The following TERF1 variants were observed in gnomAD, a reference collection of about 807,000 sequenced individuals.
The protein encoded by TERF1 is telomeric repeat binding factor 1.
A neutral mutation model predicts 55.1 loss-of-function variants in TERF1; 20 were observed. That is an observed-to-expected ratio of 0.36 (90% CI 0.26 to 0.53). The LOEUF (loss-of-function observed/expected upper bound fraction) is 0.53, where lower values mean the gene tolerates loss of function less well. Ranked by LOEUF, TERF1 falls within the 20% of genes least tolerant of loss-of-function variation. The probability of loss-of-function intolerance (pLI) is 0.91; values close to 1 mark genes in which losing one functional copy is unlikely to be tolerated. For missense variants in TERF1, 439 were observed against 535.7 expected (o/e 0.82, Z 1.78); for synonymous variants, 168 against 181.2 (o/e 0.93, Z 0.59).
chr8:73,031,054 G>C (rs917592894), intron 7 of TERF1: 9 of 152,210 alleles, frequency 5.9e-5, no homozygotes, highest in African/African-American at 2.2e-4. Flanking sequence ...TTGGAAGGAT[G>C]GTAAATGGCT....
intron 8 of TERF1, among the ~76,000 whole-genome samples, chr8:73,037,869 ATAAT>A: frequency 8.7e-6 from 1 of 114,834 alleles, no homozygotes; most frequent in African/African-American, 3.5e-5. Flanking sequence ...AATATGATAT[ATAAT>A]ATATATAAAT....
intron 1 of TERF1, chr8:73,011,989 T>TCATG (rs2129710962): frequency 6.6e-6 from 1 of 152,360 alleles, no homozygotes; most frequent in Admixed American, 6.5e-5. Context: ...TTTCAGCCTA[T>TCATG]CATGGCATTT....
chr8:73,041,303 GT>G (rs1809822870), intron 9 of TERF1, among the ~76,000 whole-genome samples: 1 of 152,140 alleles, frequency 6.6e-6, no homozygotes, highest in South Asian at 2.1e-4. Context: ...TTAGTGTCCT[GT>G]TTTTGTCTCT....
At chr8:73,009,383 C>G (rs1367351375) in intron 1 of TERF1, 178 bp downstream of exon 1, 5 of 599,262 alleles carry the variant, frequency 8.3e-6, no homozygotes, top group Non-Finnish European at 1.2e-5. Flanking sequence ...GTTGTCAGCA[C>G]CTGAGTTTTT....
At chr8:73,025,063 A>T in intron 5 of TERF1, 92 bp downstream of exon 5, 1 of 831,906 alleles carries the variant, frequency 1.2e-6, no homozygotes, top group East Asian at 3.0e-5. Flanking sequence ...TTTAAAATTA[A>T]TCAGAATTTT....
chr8:73,012,867 C>T, intron 1 of TERF1: 1 of 452,932 alleles, frequency 2.2e-6, no homozygotes. Flanking sequence ...TTAAAACCTT[C>T]ATGGGGGCAG....
intron 9 of TERF1, among the ~76,000 whole-genome samples, chr8:73,041,408 TG>T (rs1285099668): frequency 1.3e-5 from 2 of 152,032 alleles, no homozygotes; most frequent in African/African-American, 4.8e-5. Flanking sequence ...ACTAATGTAG[TG>T]GTAAGGTAAG....
intron 1 of TERF1, 132 bp downstream of exon 1, chr8:73,009,337 C>T: frequency 2.4e-6 from 2 of 830,424 alleles, no homozygotes. Flanking sequence ...GAGTCCGAGG[C>T]TCCGGGCTGA....
At chr8:73,022,327 G>A (rs1563460498) in intron 4 of TERF1, 25 bp downstream of exon 4, 3 of 1,429,186 alleles carry the variant, frequency 2.1e-6, no homozygotes, top group East Asian at 2.3e-5. Context: ...TAAAACCATA[G>A]AATTTTAGAA....
At chr8:73,020,632 C>G (rs1808710985) in intron 2 of TERF1, 52 bp from the exon 3 acceptor site, 4 of 1,523,010 alleles carry the variant, frequency 2.6e-6, no homozygotes, top group Non-Finnish European at 2.7e-6. Context: ...TAAAAACTGA[C>G]AAAGTTCTAC....
At chr8:73,032,606 A>T (rs557778695) in intron 8 of TERF1, among the ~76,000 whole-genome samples, 2 of 151,806 alleles carry the variant, frequency 1.3e-5, no homozygotes, top group African/African-American at 4.8e-5. Context: ...TGTTTGTGTA[A>T]GTGTACTCTT....
Position 73,046,081 on chromosome 8 carries a change from G to A in TERF1, c.1264G>A (p.Asp422Asn). Residue 422 changes from aspartate to asparagine, a missense_variant, in exon 10 of 10, where the codon GAC (aspartate) becomes AAC (asparagine). Around this residue, in one of 4 missense-constraint regions of TERF1, gnomAD observed 25 missense variants for 57.3 expected, o/e 0.44. Transcript: ENST00000276603. Reference sequence around the variant, plus strand: ...CAACCGGACAAGTGTCATGTTAAAAGACAGATGGAGGACCATGAAGAAACT... The same window carrying A: ...CAACCGGACAAGTGTCATGTTAAAAAACAGATGGAGGACCATGAAGAAACT... ...FNNRTSVMLK[D>N]RWRTMKKLKL... The A allele has an allele frequency of 6.2e-7, 1 of 1,609,032 alleles. No homozygotes were observed. The highest frequency in any genetic ancestry group is 8.5e-7 in the Non-Finnish European group (1 of 1,178,288).
intron 9 of TERF1, among the ~76,000 whole-genome samples, chr8:73,045,224 G>A (rs1364490752): frequency 1.3e-5 from 2 of 152,158 alleles, no homozygotes; most frequent in Non-Finnish European, 2.9e-5. Flanking sequence ...ATCTGAATGA[G>A]TGTGGGTTGA....
chr8:73,020,912 G>A (rs1219570184), intron 3 of TERF1, 107 bp downstream of exon 3: 10 of 755,080 alleles, frequency 1.3e-5, no homozygotes, highest in Non-Finnish European at 1.9e-5. Context: ...TTAATGTATT[G>A]TTTCTCTTCA....
At chr8:73,027,686 C>G (rs1192113324) in intron 6 of TERF1, among the ~76,000 whole-genome samples, 1 of 152,120 alleles carries the variant, frequency 6.6e-6, no homozygotes, top group African/African-American at 2.4e-5. Context: ...AACCCATGGT[C>G]TGTTTTCTCT....
chr8:73,015,312 CTTTTTTT>C (rs5892387), intron 2 of TERF1, among the ~76,000 whole-genome samples: 1 of 131,706 alleles, frequency 7.6e-6, no homozygotes. Flanking sequence ...AACCCTTTTG[CTTTTTTT>C]TTTTTTTTTT....
intron 2 of TERF1, among the ~76,000 whole-genome samples, chr8:73,017,696 A>G (rs1408018322): frequency 1.3e-5 from 2 of 149,302 alleles, no homozygotes; most frequent in African/African-American, 5.0e-5. Flanking sequence ...ATAGGCATCA[A>G]TATTTTTTTT....
chr8:73,020,809 T>C lies in TERF1; in HGVS notation c.537+4T>C. 2 of 1,338,670 alleles carry C rather than the reference T, an allele frequency of 1.5e-6. No homozygotes were observed. Among genetic ancestry groups the C allele is most frequent in the Non-Finnish European group, 2.1e-6 (2 of 956,966 alleles). The allele number at this position is 1,338,670 out of a possible 1,614,324, so 82.9% of individuals were successfully genotyped here. ...ACAGAATTTAATTAAAATTCAGGTA[T>C]GAATAAATTACTTTTATGCTTATTA... On this transcript the variant is annotated splice_donor_region_variant and intron_variant, in intron 3 of 9. Transcript: ENST00000276603.
At chr8:73,034,039 C>A (rs1311481552) in intron 8 of TERF1, among the ~76,000 whole-genome samples, 1 of 152,088 alleles carries the variant, frequency 6.6e-6, no homozygotes, top group Non-Finnish European at 1.5e-5. Flanking sequence ...TAGCATCTAC[C>A]TTCCCAGGCT....
Sources: gnomAD v4.1 joint callset for allele counts (sites outside exome capture counted in the v4.1 genomes callset) on GRCh38, gnomAD v4.1.1 for gene constraint, gnomAD v4.1.1 regional missense constraint, MANE v1.5 for transcripts, NCBI Gene and HGNC (gene_info 2026-07-23, HGNC 2026-07-21) for gene names.